The following ADCY2 variants were observed in gnomAD, a reference collection of about 807,000 sequenced individuals.
ADCY2 encodes the protein adenylate cyclase type 2.
ADCY2 carries 31 observed loss-of-function variants against 125.2 expected under a neutral mutation model. That is an observed-to-expected ratio of 0.25 (90% CI 0.19 to 0.33). The LOEUF is 0.33. ADCY2 is among the 10% of genes least tolerant of loss of function. ADCY2 has a pLI of 1.00. For missense variants in ADCY2, 904 were observed against 1,418.2 expected, an observed-to-expected ratio of 0.64 and a Z score of 5.82; for synonymous variants, 512 against 548.4, an observed-to-expected ratio of 0.93 and a Z score of 0.93.
Position 7,680,176 on chromosome 5 carries a change from T to C in ADCY2, c.721-10515T>C, listed in dbSNP as rs530551729. 2.6e-5 allele frequency among the ~76,000 whole-genome samples: 4 copies of C among 152,194 alleles called. No individual in the cohort carries two copies. The South Asian group carries it at 8.3e-4, about 32-fold the overall frequency. ...ACTGTTACCCCCCAGGAAACAGTTG[T>C]CAATGTTTGTGAGCAGTCTGGATTG... On this transcript the variant is annotated intron_variant, in intron 4 of 24. Coordinates refer to ENST00000338316, the MANE Select transcript of ADCY2 (RefSeq NM_020546.3).
intron 4 of ADCY2, among the ~76,000 whole-genome samples, chr5:7,677,688 C>T (rs1200552325): frequency 3.9e-5 from 6 of 152,250 alleles, no homozygotes; most frequent in Admixed American, 2.0e-4. Flanking sequence ...ACCTTCCAGC[C>T]GAGCACAATC....
At chr5:7,466,285 ATTATTT>A (rs1397612120) in intron 2 of ADCY2, among the ~76,000 whole-genome samples, 1 of 152,078 alleles carries the variant, frequency 6.6e-6, no homozygotes, top group Non-Finnish European at 1.5e-5. Context: ...CCTGTGGAAT[ATTATTT>A]TTATTTTTAT....
At chr5:7,716,288 T>C (rs1741589347) in intron 11 of ADCY2, among the ~76,000 whole-genome samples, 1 of 152,192 alleles carries the variant, frequency 6.6e-6, no homozygotes, top group Non-Finnish European at 1.5e-5. Flanking sequence ...AATAAGACTG[T>C]AGCTCTGCAA....
chr5:7,452,997 T>C (rs2126423268), intron 2 of ADCY2, among the ~76,000 whole-genome samples: 1 of 152,356 alleles, frequency 6.6e-6, no homozygotes, highest in East Asian at 1.9e-4. Flanking sequence ...TTCTGGATAC[T>C]AGTCCTTTGT....
At chr5:7,719,302 A>G (rs990485543) in intron 12 of ADCY2, among the ~76,000 whole-genome samples, 1 of 152,214 alleles carries the variant, frequency 6.6e-6, no homozygotes, top group African/African-American at 2.4e-5. Context: ...TAATTTTCCC[A>G]ACATGTTTCA....
chr5:7,413,367 T>C (rs1410601269), intron 1 of ADCY2, among the ~76,000 whole-genome samples: 1 of 152,002 alleles, frequency 6.6e-6, no homozygotes, highest in Non-Finnish European at 1.5e-5. Flanking sequence ...CGCTCACGGC[T>C]CACTGCAAGC....
intron 16 of ADCY2, among the ~76,000 whole-genome samples, chr5:7,758,909 G>T (rs113976735): frequency 6.6e-6 from 1 of 152,138 alleles, no homozygotes; most frequent in Non-Finnish European, 1.5e-5. Context: ...GAAGAAGTGG[G>T]TTAGGACCTT....
chr5:7,765,934 C>G (rs942691664), intron 16 of ADCY2, among the ~76,000 whole-genome samples: 1 of 151,484 alleles, frequency 6.6e-6, no homozygotes, highest in Non-Finnish European at 1.5e-5. Context: ...AGACAGCGAG[C>G]GAGCGAGAGA....
At chr5:7,411,365 G>A (rs1269965733) in intron 1 of ADCY2, among the ~76,000 whole-genome samples, 2 of 152,258 alleles carry the variant, frequency 1.3e-5, no homozygotes, top group East Asian at 3.9e-4. Flanking sequence ...ACCTGCTAAC[G>A]TCACCCATCT....
chr5:7,438,279 A>AT (rs1740882866), intron 2 of ADCY2, among the ~76,000 whole-genome samples: 2 of 152,346 alleles, frequency 1.3e-5, no homozygotes, highest in African/African-American at 4.8e-5. Flanking sequence ...ACAAGTAATT[A>AT]TGGAGAGGCT....
intron 3 of ADCY2, among the ~76,000 whole-genome samples, chr5:7,545,611 T>C (rs558339333): frequency 6.6e-6 from 1 of 152,306 alleles, no homozygotes; most frequent in South Asian, 2.1e-4. Context: ...AAGGGGTTTA[T>C]TTCTACAGTG....
chr5:7,574,284 G>A (rs1308886574), intron 3 of ADCY2, among the ~76,000 whole-genome samples: 2 of 150,778 alleles, frequency 1.3e-5, no homozygotes, highest in East Asian at 3.9e-4. Context: ...CCAGTAATGG[G>A]ATGGCTGGGT....
intron 2 of ADCY2, among the ~76,000 whole-genome samples, chr5:7,471,201 C>T (rs1021794715): frequency 6.4e-4 from 97 of 151,884 alleles, no homozygotes; most frequent in African/African-American, 2.1e-3. Context: ...GTATTACTTT[C>T]TTATCCAATC....
At position 7,761,148 on chromosome 5, in the gene ADCY2, C is replaced by CTTTTTT. The variant is rs367998018; in HGVS notation, c.2094+3576_2094+3581dup. 8.7e-3 allele frequency among the ~76,000 whole-genome samples: 769 copies of CTTTTTT among 88,122 alleles called. 23 individuals are homozygous for CTTTTTT. The highest frequency in any genetic ancestry group is 0.011 in the Middle Eastern group (1 of 88). 57.8% of individuals were successfully genotyped at this position (88,122 alleles called of 152,430 possible). A position where few individuals can be genotyped will look rare whatever the true frequency, so the allele number is the denominator to read the frequency against. Reference sequence around the variant, plus strand: ...ATCAAAATTTCTTTTCTTTTCTTTTCTTTTTTTTTTTTTTTTTTTGAGATG... The same window carrying CTTTTTT: ...ATCAAAATTTCTTTTCTTTTCTTTTCTTTTTTTTTTTTTTTTTTTTTTTTTGAGATG... On this transcript the variant is annotated intron_variant, in intron 16 of 24. Transcript: ENST00000338316.
At chr5:7,573,776 A>G (rs894647026) in intron 3 of ADCY2, among the ~76,000 whole-genome samples, 2 of 150,596 alleles carry the variant, frequency 1.3e-5, no homozygotes, top group African/African-American at 4.9e-5. Flanking sequence ...TTTATTTATT[A>G]TACTTTAAGT....
At chr5:7,705,325 G>T (rs1343963614) in intron 7 of ADCY2, among the ~76,000 whole-genome samples, 1 of 152,218 alleles carries the variant, frequency 6.6e-6, no homozygotes, top group African/African-American at 2.4e-5. Flanking sequence ...CTGAATTTCT[G>T]CTGAGGGCCG....
In ADCY2 at chr5:7,785,611, C is replaced by T. The variant is rs375558361; in HGVS notation, c.2469+1162C>T. On this transcript the variant is annotated intron_variant, in intron 19 of 24. Coordinates refer to ENST00000338316, the MANE Select transcript of ADCY2 (RefSeq NM_020546.3). ...TCTTTTCTCACGACTGGCCGTCTTT[C>T]TGCTCTCACTCATATGGCAGGCATG... Among the ~76,000 whole-genome samples the T allele has an allele frequency of 2.5e-4, 38 of 152,238 alleles. 1 individual carries two copies. The highest frequency in any genetic ancestry group is 8.5e-4 in the Admixed American group (13 of 15,290).
intron 14 of ADCY2, among the ~76,000 whole-genome samples, chr5:7,736,232 A>T (rs1318329159): frequency 6.6e-6 from 1 of 152,212 alleles, no homozygotes; most frequent in Non-Finnish European, 1.5e-5. Flanking sequence ...AAAAAAATTA[A>T]AAATGAAATG....
intron 4 of ADCY2, among the ~76,000 whole-genome samples, chr5:7,690,011 A>G (rs1256487189): frequency 3.9e-5 from 6 of 152,186 alleles, no homozygotes; most frequent in Admixed American, 1.3e-4. Context: ...AATGAGTACA[A>G]TATTGTTTAC....
Sources: allele counts gnomAD v4.1 joint callset (sites outside exome capture counted in the v4.1 genomes callset), GRCh38; gene constraint gnomAD v4.1.1; transcripts MANE v1.5; gene names NCBI Gene and HGNC (gene_info 2026-07-23, HGNC 2026-07-21).